The following NAV1 variants were observed in gnomAD, a reference collection of about 807,000 sequenced individuals.
NAV1 encodes pore membrane and/or filament interacting like protein 3.
NAV1 carries 18 observed loss-of-function variants against 175.2 expected under a neutral mutation model. That is an observed-to-expected ratio of 0.10 (90% confidence interval 0.07 to 0.15). NAV1 has a LOEUF of 0.15. NAV1 is among the 10% of genes least tolerant of loss of function. NAV1 has a pLI of 1.00. For synonymous variants in NAV1, 897 were observed against 978.7 expected, an observed-to-expected ratio of 0.92 and a Z score of 1.56; for missense variants, 1,731 against 2,436.6, an observed-to-expected ratio of 0.71 and a Z score of 6.10.
chr1:201,732,883 C>T (rs548077819), intron 3 of NAV1, among the ~76,000 whole-genome samples: 1 of 151,986 alleles, frequency 6.6e-6, no homozygotes, highest in Admixed American at 6.6e-5. Flanking sequence ...CCAGCCTGGC[C>T]AACATGGCGG....
In NAV1 at chr1:201,788,701, A is replaced by C. The variant is rs1571495087; in HGVS notation, c.3166+63A>C. ...GCTCTGCTGGGTCCCCTCACCCACC[A>C]CCTCCACTCCCACCACTCCTACCAC... On this transcript the variant is annotated intron_variant, in intron 10 of 29. Transcript: ENST00000367296. This position sits in a 1 kb window ranked among gnomAD's most constrained non-coding sequence, Gnocchi z 5.7. 2.0e-6 allele frequency: 3 copies of C among 1,466,208 alleles called. No individual in the cohort carries two copies. Among genetic ancestry groups the C allele is most frequent in the Non-Finnish European group, 9.3e-7 (1 of 1,079,404 alleles). 90.8% of individuals were successfully genotyped at this position (1,466,208 alleles called of 1,614,324 possible).
chr1:201,706,467 C>T (rs1015707421), intron 1 of NAV1, among the ~76,000 whole-genome samples: 3 of 152,148 alleles, frequency 2.0e-5, no homozygotes, highest in Non-Finnish European at 4.4e-5. Flanking sequence ...TCTAAAGATC[C>T]CTGGGCCAAG....
At chr1:201,618,401 G>GC (rs1558021209), upstream of NAV1, among the ~76,000 whole-genome samples, 1 of 152,194 alleles carries the variant, frequency 6.6e-6, no homozygotes, top group African/African-American at 2.4e-5. Flanking sequence ...TAGATCTCCA[G>GC]CATGTTGGGA....
At chr1:201,597,280 G>GTCT (rs1183607939) in intron 2 of NAV1, among the ~76,000 whole-genome samples, 1 of 152,178 alleles carries the variant, frequency 6.6e-6, no homozygotes. Context: ...AGCATTCTAG[G>GTCT]TCTTCTGCAG....
intron 1 of NAV1, among the ~76,000 whole-genome samples, chr1:201,669,510 A>T (rs541284617): frequency 1.3e-5 from 2 of 152,366 alleles, no homozygotes; most frequent in South Asian, 4.1e-4. Context: ...GGGCTGGGCC[A>T]AACAGGGCCT....
intron 1 of NAV1, among the ~76,000 whole-genome samples, chr1:201,562,916 G>A (rs988902728): frequency 1.3e-5 from 2 of 152,206 alleles, no homozygotes; most frequent in African/African-American, 4.8e-5. Context: ...ATCTGTCTGA[G>A]CATCAGTTTC....
At chr1:201,659,074 G>A (rs1424731331) in intron 1 of NAV1, among the ~76,000 whole-genome samples, 3 of 152,206 alleles carry the variant, frequency 2.0e-5, no homozygotes, top group Non-Finnish European at 4.4e-5. Flanking sequence ...CCCAGCCCTG[G>A]GAAGTGCTCT....
rs1239419693 is a variant in NAV1, at chr1:201,803,785, C to T, written c.3639+71C>T. 8 of 1,556,430 alleles carry T rather than the reference C, an allele frequency of 5.1e-6. No individual in the cohort carries two copies. The East Asian group carries it at 1.1e-4, about 22-fold the overall frequency. On this transcript the variant is annotated intron_variant, in intron 16 of 29. Transcript: ENST00000367296. The stretch of plus-strand genomic sequence containing the variant: ...ACCGCCTTCACCTCAGCATAGGGAT[C>T]GAATCCTTCCAGGATTAACCAAGGT...
At chr1:201,549,329 C>T (rs899451302) in intron 1 of NAV1, among the ~76,000 whole-genome samples, 2 of 152,044 alleles carry the variant, frequency 1.3e-5, no homozygotes, top group Non-Finnish European at 1.5e-5. Context: ...CCACCGCAGC[C>T]TCCCGAGTAG....
At chr1:201,774,451 A>T (rs1010289896) in intron 3 of NAV1, among the ~76,000 whole-genome samples, 2 of 152,180 alleles carry the variant, frequency 1.3e-5, no homozygotes, top group African/African-American at 4.8e-5. Flanking sequence ...CAGGATGGAC[A>T]GTGTCCATCC....
intron 1 of NAV1, among the ~76,000 whole-genome samples, chr1:201,549,113 TTCTTTCTTTCTTTC>T (rs1188076356): frequency 1.3e-5 from 2 of 150,252 alleles, no homozygotes; most frequent in Non-Finnish European, 3.0e-5. Context: ...CTTTCTTTCT[TTCTTTCTTTCTTTC>T]TTTCTTTCTT....
Position 201,813,339 on chromosome 1 carries a change from C to A in NAV1, c.5340+81C>A. On this transcript the variant is annotated intron_variant, in intron 28 of 29. Transcript: ENST00000367296. This position sits in a 1 kb window ranked among gnomAD's most constrained non-coding sequence, Gnocchi z 4.2. ...GTAGGAATGTTTCTTTAATGTTAGG[C>A]ATGGGACTACTAGGATTAGTTAGGT... 2.2e-6 allele frequency: 2 copies of A among 909,264 alleles called. No homozygotes were observed. The highest frequency in any genetic ancestry group is 3.5e-6 in the Non-Finnish European group (2 of 571,068). The allele number at this position is 909,264 out of a possible 1,614,324, so 56.3% of individuals were successfully genotyped here.
Position 201,808,272 on chromosome 1 carries a change from T to C in NAV1, c.3845+123T>C. ...TATTACTGACCTCTCCCTGGGCATA[T>C]GAGACCAACAGATGGACCTTTCTTC... On this transcript the variant is annotated intron_variant, in intron 18 of 29. Coordinates refer to ENST00000367296, the Ensembl canonical transcript of NAV1. This position sits in a 1 kb window ranked among gnomAD's most constrained non-coding sequence, Gnocchi z 5.5. 3.6e-6 allele frequency: 5 copies of C among 1,397,376 alleles called. No individual in the cohort carries two copies. The highest frequency in any genetic ancestry group is 4.9e-6 in the Non-Finnish European group (5 of 1,021,986). 86.6% of individuals were successfully genotyped at this position (1,397,376 alleles called of 1,614,324 possible).
intron 2 of NAV1, among the ~76,000 whole-genome samples, chr1:201,631,544 C>G (rs1454313336): frequency 6.6e-6 from 1 of 152,190 alleles, no homozygotes; most frequent in African/African-American, 2.4e-5. Flanking sequence ...GTTCACAGCC[C>G]AGGGATTCAC....
At chr1:201,561,658 G>T (rs1181698342) in intron 1 of NAV1, among the ~76,000 whole-genome samples, 1 of 152,200 alleles carries the variant, frequency 6.6e-6, no homozygotes, top group Non-Finnish European at 1.5e-5. Flanking sequence ...AGATACAGAA[G>T]TTTTTCCCTA....
At chr1:201,618,092 G>A (rs568460126), upstream of NAV1, among the ~76,000 whole-genome samples, 1 of 152,110 alleles carries the variant, frequency 6.6e-6, no homozygotes, top group East Asian at 1.9e-4. Flanking sequence ...CATCATCCAT[G>A]GGCCTCAGCC....
At chr1:201,642,517 CTTTCTT>C (rs1325156968) in intron 2 of NAV1, among the ~76,000 whole-genome samples, 9 of 118,500 alleles carry the variant, frequency 7.6e-5, no homozygotes, top group African/African-American at 2.9e-4. Flanking sequence ...CGGCCTCTTT[CTTTCTT>C]TTTTTCTTTC....
At chr1:201,703,322 G>C (rs549574995) in intron 1 of NAV1, among the ~76,000 whole-genome samples, 6 of 152,238 alleles carry the variant, frequency 3.9e-5, no homozygotes, top group Non-Finnish European at 8.8e-5. Context: ...TTCTGCAGGA[G>C]GCCAGCCCTC....
At chr1:201,803,782 G>C (rs1029528696) in intron 16 of NAV1, 68 bp downstream of exon 20, 1 of 1,566,164 alleles carries the variant, frequency 6.4e-7, no homozygotes, top group Non-Finnish European at 8.7e-7. Context: ...TCAGCATAGG[G>C]ATCGAATCCT....
Sources: allele counts gnomAD v4.1 joint callset (sites outside exome capture counted in the v4.1 genomes callset), GRCh38; gene constraint gnomAD v4.1.1; non-coding constraint Gnocchi (gnomAD v3.1); transcripts MANE v1.5; gene names NCBI Gene and HGNC (gene_info 2026-07-23, HGNC 2026-07-21).